The following AFG1L variants were observed in gnomAD, a reference collection of about 807,000 sequenced individuals.
The protein encoded by AFG1L is AFG1-like ATPase.
A neutral mutation model predicts 62.2 loss-of-function variants in AFG1L; 53 were observed. The ratio of observed to expected loss-of-function variants is 0.85; its 90% CI spans 0.68 to 1.07. The LOEUF (loss-of-function observed/expected upper bound fraction) is 1.07, where lower values mean the gene tolerates loss of function less well. AFG1L is among the 50% of genes least tolerant of loss of function. The probability of loss-of-function intolerance (pLI) is 0.00; values close to 1 mark genes in which losing one functional copy is unlikely to be tolerated. For synonymous variants in AFG1L, 228 were observed against 210.3 expected, an observed-to-expected ratio of 1.08 and a Z score of -0.73; for missense variants, 555 against 590.5, an observed-to-expected ratio of 0.94 and a Z score of 0.62.
In AFG1L at chr6:108,376,148, G is replaced by T. The variant is rs550480324; in HGVS notation, c.748+9816G>T. On this transcript the variant is annotated intron_variant, in intron 6 of 12. Coordinates refer to ENST00000368977, the MANE Select transcript of AFG1L (RefSeq NM_145315.5). Reference sequence around the variant, plus strand: ...GGATCTTTTGTATTTCTGTGGGATTGGTTGGAATGTCACCTTTGTCATTTC... The same window carrying T: ...GGATCTTTTGTATTTCTGTGGGATTTGTTGGAATGTCACCTTTGTCATTTC... Among the ~76,000 whole-genome samples the T allele has an allele frequency of 3.9e-5, 6 of 152,118 alleles. No homozygotes were observed. The South Asian group carries it at 1.2e-3, about 32-fold the overall frequency.
chr6:108,351,934 A>G (rs1779097881), intron 3 of AFG1L, among the ~76,000 whole-genome samples: 1 of 152,178 alleles, frequency 6.6e-6, no homozygotes, highest in South Asian at 2.1e-4. Flanking sequence ...TTAAAAATGT[A>G]TTTAATTGTT....
chr6:108,395,398 CT>C (rs1562130534), intron 6 of AFG1L, among the ~76,000 whole-genome samples: 1 of 121,912 alleles, frequency 8.2e-6, no homozygotes, highest in African/African-American at 3.1e-5. Context: ...TTTTTCTTTT[CT>C]TTTCTTTTTT....
chr6:108,512,360 C>T (rs1774687853), intron 11 of AFG1L, among the ~76,000 whole-genome samples: 1 of 152,130 alleles, frequency 6.6e-6, no homozygotes, highest in Non-Finnish European at 1.5e-5. Flanking sequence ...GCTGTGCATC[C>T]CCGCGGAGCC....
At chr6:108,373,718 A>G (rs1166956707) in intron 6 of AFG1L, among the ~76,000 whole-genome samples, 1 of 150,208 alleles carries the variant, frequency 6.7e-6, no homozygotes, top group East Asian at 2.0e-4. Context: ...CTGGGACTAC[A>G]GGCATGCGCC....
intron 2 of AFG1L, among the ~76,000 whole-genome samples, chr6:108,339,696 G>A (rs535663855): frequency 5.9e-5 from 9 of 151,936 alleles, no homozygotes; most frequent in Non-Finnish European, 1.0e-4. Flanking sequence ...CTGACCTCCC[G>A]CCTTGGCCTC....
chr6:108,307,520 CCCA>C (rs1777249727), intron 1 of AFG1L, among the ~76,000 whole-genome samples: 1 of 151,750 alleles, frequency 6.6e-6, no homozygotes, highest in Non-Finnish European at 1.5e-5. Context: ...AAGTAATCCT[CCCA>C]GCTCAGTCTC....
intron 6 of AFG1L, among the ~76,000 whole-genome samples, chr6:108,386,828 A>T (rs1356177989): frequency 3.9e-5 from 6 of 152,196 alleles, no homozygotes; most frequent in Non-Finnish European, 8.8e-5. Flanking sequence ...AAGTGATATG[A>T]TATTCTAAGT....
intron 2 of AFG1L, among the ~76,000 whole-genome samples, chr6:108,332,950 C>T (rs568375236): frequency 8.3e-4 from 126 of 152,198 alleles, no homozygotes; most frequent in African/African-American, 2.8e-3. Context: ...TATATATGTT[C>T]ATGTTGTCCT....
intron 1 of AFG1L, among the ~76,000 whole-genome samples, chr6:108,301,585 T>C (rs1777002689): frequency 6.6e-6 from 1 of 152,260 alleles, no homozygotes; most frequent in Non-Finnish European, 1.5e-5. Context: ...CAAAAGGTGA[T>C]ATCTAGAAGA....
At chr6:108,315,571 C>G (rs1777558818) in intron 1 of AFG1L, among the ~76,000 whole-genome samples, 1 of 152,074 alleles carries the variant, frequency 6.6e-6, no homozygotes, top group African/African-American at 2.4e-5. Flanking sequence ...GTTCTCTTTT[C>G]TTTCCTTCCT....
chr6:108,410,487 T>G (rs1343105768), intron 7 of AFG1L, among the ~76,000 whole-genome samples: 1 of 151,956 alleles, frequency 6.6e-6, no homozygotes, highest in Non-Finnish European at 1.5e-5. Flanking sequence ...TAAATTCAGT[T>G]TTTTAAAAAT....
intron 7 of AFG1L, among the ~76,000 whole-genome samples, chr6:108,432,964 A>G (rs749393059): frequency 2.0e-4 from 31 of 152,160 alleles, no homozygotes; most frequent in Non-Finnish European, 3.7e-4. Context: ...GCCATTCCCC[A>G]AGCTACAGGA....
intron 2 of AFG1L, among the ~76,000 whole-genome samples, chr6:108,330,452 G>A (rs1441605674): frequency 6.6e-6 from 1 of 152,032 alleles, no homozygotes; most frequent in Non-Finnish European, 1.5e-5. Flanking sequence ...GAGATTACAG[G>A]TGTGAGCCAC....
At chr6:108,392,538 T>C (rs1781102799) in intron 6 of AFG1L, among the ~76,000 whole-genome samples, 1 of 152,184 alleles carries the variant, frequency 6.6e-6, no homozygotes, top group Admixed American at 6.5e-5. Flanking sequence ...AGTGAAGACA[T>C]AGTAGAATTC....
intron 1 of AFG1L, among the ~76,000 whole-genome samples, chr6:108,314,264 C>T (rs149415416): frequency 2.0e-3 from 298 of 152,126 alleles, no homozygotes; most frequent in African/African-American, 6.8e-3. Context: ...GAAAATAATT[C>T]ACATACTATA....
intron 8 of AFG1L, among the ~76,000 whole-genome samples, chr6:108,471,752 C>T (rs1318974057): frequency 3.9e-5 from 6 of 152,136 alleles, no homozygotes; most frequent in Admixed American, 1.3e-4. Context: ...AATTTGAAAA[C>T]ATGCTGCCTC....
intron 1 of AFG1L, among the ~76,000 whole-genome samples, chr6:108,307,004 T>C (rs1293262344): frequency 6.6e-6 from 1 of 152,138 alleles, no homozygotes; most frequent in Non-Finnish European, 1.5e-5. Context: ...AAATTACTTT[T>C]TTTTTCTTTC....
intron 10 of AFG1L, among the ~76,000 whole-genome samples, chr6:108,485,882 G>A (rs1454661489): frequency 2.0e-5 from 3 of 150,412 alleles, no homozygotes; most frequent in African/African-American, 7.3e-5. Flanking sequence ...GTGTTGCCCA[G>A]GCTGGTCTCG....
intron 3 of AFG1L, among the ~76,000 whole-genome samples, chr6:108,348,542 G>A (rs1467459950): frequency 6.6e-6 from 1 of 152,188 alleles, no homozygotes; most frequent in East Asian, 1.9e-4. Flanking sequence ...GTGAACATTA[G>A]AGATTGCCCC....
Sources: gnomAD v4.1 joint callset for allele counts (sites outside exome capture counted in the v4.1 genomes callset) on GRCh38, gnomAD v4.1.1 for gene constraint, MANE v1.5 for transcripts, NCBI Gene and HGNC (gene_info 2026-07-23, HGNC 2026-07-21) for gene names.